FAM114A1: variants seen among roughly 807,000 people sequenced by gnomAD.
FAM114A1 encodes family with sequence similarity 114 member A1, also known as protein NOXP20.
A neutral mutation model predicts 64.3 loss-of-function variants in FAM114A1; 62 were observed. That is an observed-to-expected ratio of 0.96 (90% CI 0.79 to 1.19). The LOEUF (loss-of-function observed/expected upper bound fraction) is 1.19, where lower values mean the gene tolerates loss of function less well. Among genes scored for constraint, FAM114A1 ranks in the 50% most tolerant of loss-of-function variants. The pLI is 0.00. For missense variants in FAM114A1, 645 were observed against 676.3 expected (o/e 0.95, Z 0.51); for synonymous variants, 254 against 251.1 (o/e 1.01, Z -0.11).
chr4:38,941,561 T>C (rs370531166), intron 14 of FAM114A1, among the ~76,000 whole-genome samples: 3 of 152,340 alleles, frequency 2.0e-5, no homozygotes, highest in Admixed American at 1.3e-4. Context: ...TGTGTTGATA[T>C]AAAGCTGCCC....
At chr4:38,876,565 G>A (rs1714663786) in intron 2 of FAM114A1, among the ~76,000 whole-genome samples, 1 of 152,310 alleles carries the variant, frequency 6.6e-6, no homozygotes, top group South Asian at 2.1e-4. Context: ...GTTCCCATAG[G>A]CGTAGTCTTT....
intron 4 of FAM114A1, among the ~76,000 whole-genome samples, chr4:38,900,900 G>T (rs528097043): frequency 3.0e-4 from 46 of 151,860 alleles, no homozygotes; most frequent in Middle Eastern, 3.4e-3. Context: ...AACTATTCAG[G>T]TAGGAAAAGT....
chr4:38,883,478 C>A lies in FAM114A1; in HGVS notation c.348+5052C>A, dbSNP rs187616049. Among the ~76,000 whole-genome samples, 23 of 152,202 alleles carry A rather than the reference C, an allele frequency of 1.5e-4. No homozygotes were observed. In the South Asian group the frequency reaches 3.1e-3, roughly 21 times the overall value. ...GAATTCTTAACACCAAGAAAGGTTA[C>A]CCAGAATTTTTAAAATGTCATCCCT... is the stretch of plus-strand genomic sequence containing the variant. On this transcript the variant is annotated intron_variant, in intron 3 of 14. Coordinates refer to ENST00000358869, the MANE Select transcript of FAM114A1 (RefSeq NM_138389.4).
Position 38,922,771 on chromosome 4 carries a change from T to C in FAM114A1, c.947T>C (p.Val316Ala). The C allele has an allele frequency of 6.2e-7, 1 of 1,608,980 alleles. No homozygotes were observed. Among genetic ancestry groups the C allele is most frequent in the South Asian group, 1.1e-5 (1 of 89,604 alleles). Residue 316 changes from valine (V) to alanine (A), a missense_variant and splice_region_variant, in exon 9 of 15, where the codon GTT becomes GCT. By Grantham distance (64) the Val-to-Ala change is moderately conservative. Transcript: ENST00000358869. ...GTGCTGACCTATTTCTTTTTTCAGGTTCAGTCATTTTTAGCATCACTTGAT... is the reference window on the plus strand; with the variant it reads ...GTGCTGACCTATTTCTTTTTTCAGGCTCAGTCATTTTTAGCATCACTTGAT... ...EILSNESESK[V>A]QSFLASLDGE...
chr4:38,932,501 T>G, intron 12 of FAM114A1, 127 bp downstream of exon 12: 1 of 1,083,916 alleles, frequency 9.2e-7, no homozygotes, highest in Non-Finnish European at 1.3e-6. Flanking sequence ...TTTGTTTTTG[T>G]TTTTTGTTTT....
At chr4:38,875,506 T>G (rs1714526511) in intron 2 of FAM114A1, among the ~76,000 whole-genome samples, 1 of 152,260 alleles carries the variant, frequency 6.6e-6, no homozygotes, top group South Asian at 2.1e-4. Flanking sequence ...CTACTGATTT[T>G]TGTACATTGA....
intron 8 of FAM114A1, among the ~76,000 whole-genome samples, chr4:38,922,157 G>T (rs903922727): frequency 6.6e-6 from 1 of 152,098 alleles, no homozygotes; most frequent in Admixed American, 6.5e-5. Context: ...GGCCAGGATG[G>T]TCTTGATGTC....
intron 13 of FAM114A1, among the ~76,000 whole-genome samples, chr4:38,937,212 A>G (rs1480753715): frequency 6.6e-6 from 1 of 152,164 alleles, no homozygotes; most frequent in Non-Finnish European, 1.5e-5. Context: ...CTAACAAAGT[A>G]CCATAAACTG....
intron 10 of FAM114A1, among the ~76,000 whole-genome samples, chr4:38,930,843 G>A (rs991600823): frequency 7.2e-5 from 11 of 152,260 alleles, no homozygotes; most frequent in South Asian, 4.2e-4. Context: ...CACAGAGTGC[G>A]TAAACTGCAC....
intron 9 of FAM114A1, among the ~76,000 whole-genome samples, chr4:38,925,928 C>T (rs1419778848): frequency 2.0e-5 from 3 of 152,018 alleles, no homozygotes; most frequent in African/African-American, 7.3e-5. Context: ...AGAATTAATA[C>T]ACCTTTAAAA....
intron 14 of FAM114A1, among the ~76,000 whole-genome samples, chr4:38,941,361 G>A (rs907277384): frequency 1.3e-5 from 2 of 152,126 alleles, no homozygotes; most frequent in Non-Finnish European, 2.9e-5. Context: ...ATTGCTCATC[G>A]GTGATTTTCA....
rs776302485 is a variant in FAM114A1 at position 38,922,804 on chromosome 4, A to T, written c.980A>T (p.Lys327Met). The T allele has an allele frequency of 3.1e-6, 5 of 1,613,686 alleles. No individual in the cohort carries two copies. In the East Asian group the frequency reaches 1.1e-4, roughly 36 times the overall value. ...QSFLASLDGE[K>M]LELLKNDLIS... ...TTTTTAGCATCACTTGATGGAGAGA[A>T]GCTGGAACTCTTAAAAAATGACCTA... The change falls in exon 9 of 15, where the codon AAG becomes ATG. Residue 327 changes from lysine (K) to methionine (M), a missense_variant. Physicochemically the swap from Lys to Met is moderately conservative, Grantham distance 95. Transcript: ENST00000358869.
In FAM114A1 at chr4:38,887,121, G is replaced by A. The variant is rs145468283; in HGVS notation, c.349-4622G>A. On this transcript the variant is annotated intron_variant, in intron 3 of 14. Coordinates refer to ENST00000358869, the MANE Select transcript of FAM114A1 (RefSeq NM_138389.4). Reference sequence around the variant, plus strand: ...GGAAGTAATTGTGAATCGCAGGGTAGTGTACTTAATTTGTGTTTAGATGGG... The same window carrying A: ...GGAAGTAATTGTGAATCGCAGGGTAATGTACTTAATTTGTGTTTAGATGGG... Among the ~76,000 whole-genome samples, 49 of 152,270 alleles carry A rather than the reference G, an allele frequency of 3.2e-4. 2 individuals carry two copies. In the East Asian group the frequency reaches 9.3e-3, roughly 29 times the overall value.
intron 2 of FAM114A1, among the ~76,000 whole-genome samples, chr4:38,872,180 T>C (rs1714141541): frequency 6.6e-6 from 1 of 152,198 alleles, no homozygotes; most frequent in Non-Finnish European, 1.5e-5. Flanking sequence ...GGTGGTCACC[T>C]CATTACGGAT....
At chr4:38,870,813 C>G (rs945901652) in intron 2 of FAM114A1, among the ~76,000 whole-genome samples, 6 of 152,154 alleles carry the variant, frequency 3.9e-5, no homozygotes, top group Non-Finnish European at 7.3e-5. Context: ...CTCCAGCAGC[C>G]CCTGCTCAGA....
In FAM114A1 at chr4:38,931,629, T is replaced by C; in HGVS notation, c.1323+17T>C. 1.2e-6 allele frequency: 2 copies of C among 1,606,138 alleles called. No individual in the cohort carries two copies. Among genetic ancestry groups the C allele is most frequent in the Non-Finnish European group, 1.7e-6 (2 of 1,176,930 alleles). Reference sequence around the variant, plus strand: ...ACCATAGAGGTAAATTCATTCTAGATTGTCTGCCTACAAGGTAATAAGAGT... The same window carrying C: ...ACCATAGAGGTAAATTCATTCTAGACTGTCTGCCTACAAGGTAATAAGAGT... On this transcript the variant is annotated intron_variant, in intron 11 of 14. Transcript: ENST00000358869.
intron 6 of FAM114A1, among the ~76,000 whole-genome samples, chr4:38,908,024 T>C (rs1330016264): frequency 6.6e-6 from 1 of 152,192 alleles, no homozygotes; most frequent in Admixed American, 6.5e-5. Context: ...TCTCATTTCA[T>C]GGATATACTA....
intron 2 of FAM114A1, among the ~76,000 whole-genome samples, chr4:38,876,011 C>T (rs545880998): frequency 4.6e-5 from 7 of 152,196 alleles, no homozygotes; most frequent in African/African-American, 1.7e-4. Context: ...CTTGACTAAA[C>T]CATGGTCTAG....
chr4:38,869,960 C>G (rs1001289864), intron 2 of FAM114A1, among the ~76,000 whole-genome samples: 4 of 152,136 alleles, frequency 2.6e-5, no homozygotes, highest in African/African-American at 9.7e-5. Context: ...TCATTTTTCT[C>G]TATCATCACA....
Sources: allele counts gnomAD v4.1 joint callset (sites outside exome capture counted in the v4.1 genomes callset), GRCh38; gene constraint gnomAD v4.1.1; transcripts MANE v1.5; gene names NCBI Gene and HGNC (gene_info 2026-07-23, HGNC 2026-07-21).